SIRPG: variants seen among roughly 807,000 people sequenced by gnomAD.
SIRPG encodes signal regulatory protein gamma.
SIRPG carries 38 observed loss-of-function variants against 35.7 expected under a neutral mutation model. That is an observed-to-expected ratio of 1.06 (90% CI 0.82 to 1.40). The LOEUF (loss-of-function observed/expected upper bound fraction) is 1.40. Among genes scored for constraint, SIRPG ranks in the 40% most tolerant of loss-of-function variants. SIRPG has a pLI of 0.00. For missense variants in SIRPG, 519 were observed against 483.0 expected, an observed-to-expected ratio of 1.07 and a Z score of -0.70; for synonymous variants, 215 against 190.4, an observed-to-expected ratio of 1.13 and a Z score of -1.06.
the SIRPG span, among the ~76,000 whole-genome samples, chr20:1,682,868 A>T: frequency 1.1e-3 from 171 of 152,360 alleles, no homozygotes; most frequent in African/African-American, 3.8e-3. Flanking sequence ...ACAACAAACT[A>T]AAAAGCTTCT....
the SIRPG span, among the ~76,000 whole-genome samples, chr20:1,673,061 C>A: frequency 6.6e-6 from 1 of 152,144 alleles, no homozygotes; most frequent in Admixed American, 6.5e-5. Flanking sequence ...GAATTACTAC[C>A]CTACATCTTC....
intron 2 of SIRPG, among the ~76,000 whole-genome samples, chr20:1,644,657 C>T (rs758115951): frequency 1.8e-4 from 27 of 152,320 alleles, no homozygotes; most frequent in African/African-American, 4.6e-4. Context: ...TGCAGCTCTG[C>T]GGTTGATTGA....
In SIRPG at chr20:1,631,587, C is replaced by T. The variant is rs376451872; in HGVS notation, c.1082-1281G>A. On this transcript the variant is annotated intron_variant, in intron 4 of 5. Transcript: ENST00000303415. ...GCTTCCTGCATTCCTGTATCCATCT[C>T]TAGTCTGCCTTACAGAGAAACTGAC... is the stretch of plus-strand genomic sequence containing the variant. 1.3e-4 allele frequency among the ~76,000 whole-genome samples: 20 copies of T among 152,304 alleles called. No individual in the cohort carries two copies. In the South Asian group the frequency reaches 3.5e-3, roughly 27 times the overall value.
intron 3 of SIRPG, 58 bp from the exon 4 acceptor site, chr20:1,635,657 G>A (rs1165309391): frequency 3.2e-6 from 5 of 1,560,076 alleles, no homozygotes; most frequent in Non-Finnish European, 4.4e-6. Flanking sequence ...CACAGGGAGG[G>A]CTCCATAACT....
rs1217126513 is a variant in SIRPG at position 1,635,387 on chromosome 20, G to T, written c.961C>A (p.Gln321Lys). Reference protein sequence around the residue: ...TSWFLVNISDQRDDVVLTCQV... With the variant: ...TSWFLVNISDKRDDVVLTCQV... ...CAGGTGAGGACCACATCATCCCTTT[G>T]GTCAGATATGTTCACCAGGAACCAG... is the stretch of plus-strand genomic sequence containing the variant. The change falls in exon 4 of 6, where the codon CAA becomes AAA. Residue 321 changes from glutamine (Q) to lysine (K), a missense_variant. Transcript: ENST00000303415. 1.2e-6 allele frequency: 2 copies of T among 1,613,952 alleles called. No homozygotes were observed. The highest frequency in any genetic ancestry group is 1.3e-5 in the African/African-American group (1 of 74,854).
At chr20:1,663,593 CA>C in the SIRPG span, among the ~76,000 whole-genome samples, 1 of 152,228 alleles carries the variant, frequency 6.6e-6, no homozygotes, top group Non-Finnish European at 1.5e-5. Flanking sequence ...TCAAAATTGA[CA>C]AGCGCTATAA....
At chr20:1,652,186 T>C (rs150274372) in intron 1 of SIRPG, among the ~76,000 whole-genome samples, 177 of 152,328 alleles carry the variant, frequency 1.2e-3, no homozygotes, top group African/African-American at 3.9e-3. Context: ...CTCTGCCTTG[T>C]TCTTTACTTC....
At chr20:1,657,041 T>C (rs1216738860) in intron 1 of SIRPG, among the ~76,000 whole-genome samples, 3 of 152,092 alleles carry the variant, frequency 2.0e-5, no homozygotes, top group African/African-American at 7.2e-5. Context: ...CCAATATGGC[T>C]GATGTTCTCA....
At chr20:1,640,885 G>A (rs2091846869) in intron 2 of SIRPG, among the ~76,000 whole-genome samples, 1 of 152,146 alleles carries the variant, frequency 6.6e-6, no homozygotes, top group African/African-American at 2.4e-5. Flanking sequence ...TTTTGTCATT[G>A]GTTCTGTTTA....
chr20:1,653,518 T>C (rs1018397195), intron 1 of SIRPG, among the ~76,000 whole-genome samples: 4 of 152,202 alleles, frequency 2.6e-5, no homozygotes, highest in Non-Finnish European at 5.9e-5. Context: ...ACTATAGTTA[T>C]AGGTAATATA....
intron 2 of SIRPG, among the ~76,000 whole-genome samples, chr20:1,638,073 C>T (rs1440780940): frequency 1.3e-5 from 2 of 152,206 alleles, no homozygotes; most frequent in African/African-American, 4.8e-5. Flanking sequence ...CAGCATTGGG[C>T]ATCCCTAGAG....
chr20:1,684,201 A>C, the SIRPG span, among the ~76,000 whole-genome samples: 1 of 152,230 alleles, frequency 6.6e-6, no homozygotes, highest in Non-Finnish European at 1.5e-5. Context: ...ATATACATGT[A>C]AGGTAATGCA....
chr20:1,664,614 T>A, the SIRPG span, among the ~76,000 whole-genome samples: 1 of 152,130 alleles, frequency 6.6e-6, no homozygotes, highest in African/African-American at 2.4e-5. Context: ...GGCATCAAGG[T>A]GGCAGAGACT....
chr20:1,659,299 T>C (rs1248206974), upstream of SIRPG, among the ~76,000 whole-genome samples: 1 of 152,242 alleles, frequency 6.6e-6, no homozygotes. Context: ...TCATGAATAA[T>C]TGTCAAATCA....
chr20:1,652,159 A>G (rs2091943890), intron 1 of SIRPG, among the ~76,000 whole-genome samples: 1 of 151,880 alleles, frequency 6.6e-6, no homozygotes, highest in African/African-American at 2.4e-5. Flanking sequence ...AAAATAAAAC[A>G]AAACAAAAAA....
chr20:1,636,612 C>A, intron 2 of SIRPG, 107 bp from the exon 3 acceptor site: 2 of 1,218,840 alleles, frequency 1.6e-6, no homozygotes, highest in Non-Finnish European at 2.3e-6. Flanking sequence ...TTTAATCCTT[C>A]TAATAATGTG....
chr20:1,651,622 G>A (rs2091940586), intron 1 of SIRPG, among the ~76,000 whole-genome samples: 1 of 152,156 alleles, frequency 6.6e-6, no homozygotes, highest in Admixed American at 6.5e-5. Context: ...TGGCAATGAG[G>A]AGGGGATTAT....
At chr20:1,630,100 G>C (rs889307245) in intron 5 of SIRPG, 122 bp downstream of exon 5, 2 of 737,122 alleles carry the variant, frequency 2.7e-6, no homozygotes, top group Non-Finnish European at 4.6e-6. Context: ...CAAGACTTCC[G>C]AGGGTGCGGA....
At chr20:1,630,543 G>C in intron 4 of SIRPG, 3 of 495,510 alleles carry the variant, frequency 6.1e-6, no homozygotes, top group Non-Finnish European at 1.1e-5. Flanking sequence ...AGAGGTGGAG[G>C]GGGTGTGTAC....
Sources: allele counts gnomAD v4.1 joint callset (sites outside exome capture counted in the v4.1 genomes callset), GRCh38; gene constraint gnomAD v4.1.1; transcripts MANE v1.5; gene names NCBI Gene and HGNC (gene_info 2026-07-23, HGNC 2026-07-21).